Variants in IMPA2 observed in about 807,000 individuals in gnomAD.
IMPA2 encodes the protein inositol monophosphatase 2.
A neutral mutation model predicts 35.1 loss-of-function variants in IMPA2; 32 were observed. That is an observed-to-expected ratio of 0.91 (90% CI 0.69 to 1.23). The LOEUF is 1.23. Among genes scored for constraint, IMPA2 ranks in the 50% most tolerant of loss-of-function variants. The probability of loss-of-function intolerance (pLI) is 0.00; values close to 1 mark genes in which losing one functional copy is unlikely to be tolerated. For missense variants in IMPA2, 334 were observed against 387.6 expected (o/e 0.86, Z 1.16); for synonymous variants, 135 against 160.6 (o/e 0.84, Z 1.20).
chr18:11,988,733 TG>T (rs1346915721), intron 1 of IMPA2, among the ~76,000 whole-genome samples: 2 of 152,210 alleles, frequency 1.3e-5, no homozygotes, highest in African/African-American at 4.8e-5. Context: ...TGAATGGATT[TG>T]CCACTTTCCG....
Position 11,999,136 on chromosome 18 carries a change from T to G in IMPA2, c.179T>G (p.Leu60Arg). Residue 60 changes from leucine to arginine, a missense_variant, in exon 2 of 8, where the codon CTT becomes CGT. Transcript: ENST00000269159. ...AADLVTETDH[L>R]VEDLIISELR... ...GATCTTGTGACAGAAACAGATCACC[T>G]TGTGGAAGATTTAATTATTTCTGAG... 6.2e-7 allele frequency: 1 copy of G among 1,613,830 alleles called. No homozygotes were observed. Among genetic ancestry groups the G allele is most frequent in the South Asian group, 1.1e-5 (1 of 91,046 alleles).
intron 1 of IMPA2, among the ~76,000 whole-genome samples, chr18:11,985,711 A>G (rs1024239310): frequency 2.0e-5 from 3 of 152,152 alleles, no homozygotes; most frequent in Non-Finnish European, 2.9e-5. Flanking sequence ...TTTTGTCACC[A>G]TGCCAGGTGG....
chr18:11,983,704 G>T (rs941534929), intron 1 of IMPA2, among the ~76,000 whole-genome samples: 1 of 151,990 alleles, frequency 6.6e-6, no homozygotes, highest in Non-Finnish European at 1.5e-5. Context: ...CGGGCCGCCC[G>T]GGGCTCCCCC....
intron 5 of IMPA2, among the ~76,000 whole-genome samples, chr18:12,020,557 A>G (rs546959299): frequency 4.6e-5 from 7 of 151,852 alleles, no homozygotes; most frequent in East Asian, 3.9e-4. Flanking sequence ...TTATTTCCCA[A>G]TTGTGTTGCT....
chr18:12,028,765 C>T, intron 6 of IMPA2, 77 bp from the exon 7 acceptor site: 1 of 1,499,422 alleles, frequency 6.7e-7, no homozygotes, highest in Non-Finnish European at 9.0e-7. Flanking sequence ...AGCCGGGGTA[C>T]CTGGCTGAAG....
At chr18:11,995,187 T>C (rs1464870774) in intron 1 of IMPA2, among the ~76,000 whole-genome samples, 4 of 152,200 alleles carry the variant, frequency 2.6e-5, no homozygotes, top group African/African-American at 9.7e-5. Context: ...GGTGGTCTGC[T>C]CCACAAAGTC....
chr18:12,017,238 C>A (rs549264926), intron 5 of IMPA2, among the ~76,000 whole-genome samples: 31 of 152,166 alleles, frequency 2.0e-4, no homozygotes, highest in Non-Finnish European at 3.5e-4. Flanking sequence ...GCCCCATGAC[C>A]CCTCACATGG....
In IMPA2 at chr18:12,028,089, C is replaced by T. The variant is rs1907932449; in HGVS notation, c.537C>T (p.Asp179=). The T allele has an allele frequency of 1.2e-6, 2 of 1,613,982 alleles. No homozygotes were observed. The highest frequency in any genetic ancestry group is 1.7e-5 in the Admixed American group (1 of 59,992). Residue 179 remains aspartate, a synonymous_variant, in exon 6 of 8, where the codon GAC becomes GAT. Transcript: ENST00000269159. Reference sequence around the variant, plus strand: ...TGACAGAAATTGGCCCCAAACGTGACCCTGCGACCCTGAAGCTGTTCCTGA... The same window carrying T: ...TGACAGAAATTGGCCCCAAACGTGATCCTGCGACCCTGAAGCTGTTCCTGA... ...LVLTEIGPKR[D]PATLKLFLSN...
At chr18:11,986,486 C>A (rs1906669664) in intron 1 of IMPA2, among the ~76,000 whole-genome samples, 1 of 152,110 alleles carries the variant, frequency 6.6e-6, no homozygotes, top group African/African-American at 2.4e-5. Context: ...ACAGTGGGTC[C>A]TTGGAATATG....
rs987800096 is a variant in IMPA2, at chr18:12,010,960, A to G, written c.335+973A>G. 2.0e-5 allele frequency among the ~76,000 whole-genome samples: 3 copies of G among 152,144 alleles called. No homozygotes were observed. The highest frequency in any genetic ancestry group is 4.8e-5 in the African/African-American group (2 of 41,436). On this transcript the variant is annotated intron_variant, in intron 3 of 7. Coordinates refer to ENST00000269159, the MANE Select transcript of IMPA2 (RefSeq NM_014214.3). This position sits in a 1 kb window ranked among gnomAD's most constrained non-coding sequence, Gnocchi z 4.8. The stretch of plus-strand genomic sequence containing the variant: ...TCTGGTGCCAGCAAATGTGTCACCA[A>G]TCTCTCCTCTCATTTCAACTAAAGC...
chr18:12,008,856 T>C (rs1907353310), intron 2 of IMPA2, among the ~76,000 whole-genome samples: 1 of 152,106 alleles, frequency 6.6e-6, no homozygotes, highest in African/African-American at 2.4e-5. Flanking sequence ...CAAGTGAGGA[T>C]TGTAGGGGGC....
intron 1 of IMPA2, among the ~76,000 whole-genome samples, chr18:11,982,502 ATG>A (rs1444781557): frequency 6.6e-6 from 1 of 152,084 alleles, no homozygotes; most frequent in African/African-American, 2.4e-5. Flanking sequence ...GTCTCTTAGG[ATG>A]TGATTGTGGG....
intron 5 of IMPA2, among the ~76,000 whole-genome samples, chr18:12,019,173 T>C (rs1907661547): frequency 6.6e-6 from 1 of 152,094 alleles, no homozygotes; most frequent in Non-Finnish European, 1.5e-5. Flanking sequence ...ATACGTAGTT[T>C]AAAAAAGGAG....
Position 12,009,918 on chromosome 18 carries a change from AGT to A in IMPA2, c.272_273del (p.Val91AlafsTer28), listed in dbSNP as rs1188903341. On this transcript the variant is annotated frameshift_variant, in exon 3 of 8. Coordinates refer to ENST00000269159, the MANE Select transcript of IMPA2 (RefSeq NM_014214.3). LOFTEE classifies it high-confidence loss of function. ...GAAGAGGCCGCGGCTTCTGGGGCCAAGTGTGTGCTCACCCACAGCCCGACGTG... is the reference window on the plus strand; with the variant it reads ...GAAGAGGCCGCGGCTTCTGGGGCCAAGTGTGCTCACCCACAGCCCGACGTG... The A allele has an allele frequency of 6.2e-7, 1 of 1,614,070 alleles. No homozygotes were observed. The highest frequency in any genetic ancestry group is 1.3e-5 in the African/African-American group (1 of 74,924).
intron 5 of IMPA2, among the ~76,000 whole-genome samples, chr18:12,016,188 A>G (rs986053400): frequency 2.0e-5 from 3 of 152,254 alleles, no homozygotes; most frequent in Non-Finnish European, 2.9e-5. Context: ...TGTTCCCTAC[A>G]GTACCTGTCT....
At chr18:11,988,261 C>T (rs531725527) in intron 1 of IMPA2, among the ~76,000 whole-genome samples, 1 of 152,326 alleles carries the variant, frequency 6.6e-6, no homozygotes, top group African/African-American at 2.4e-5. Flanking sequence ...CCACCTTGGC[C>T]TCCCAAAGTG....
chr18:11,991,840 A>G lies in IMPA2; in HGVS notation c.97-7214A>G, dbSNP rs920080540. Among the ~76,000 whole-genome samples, 4 of 144,104 alleles carry G rather than the reference A, an allele frequency of 2.8e-5. No individual in the cohort carries two copies. Among genetic ancestry groups the G allele is most frequent in the Non-Finnish European group, 4.4e-5 (3 of 67,480 alleles). The allele number at this position is 144,104 out of a possible 152,430, so 94.5% of individuals were successfully genotyped here. On this transcript the variant is annotated intron_variant, in intron 1 of 7. Coordinates refer to ENST00000269159, the MANE Select transcript of IMPA2 (RefSeq NM_014214.3). This position sits in a 1 kb window ranked among gnomAD's most constrained non-coding sequence, Gnocchi z 4.1. ...TGCTGATGCCCTCGCAGAAACACCC[A>G]GAACAATTTTTTTTTTTTTTTGAGA...
intron 2 of IMPA2, among the ~76,000 whole-genome samples, chr18:12,007,754 CTTCTTTCTTTTCTTTTTCTT>C (rs576703684): frequency 1.4e-5 from 2 of 141,244 alleles, no homozygotes; most frequent in East Asian, 2.1e-4. Flanking sequence ...CCTTCCCTTC[CTTCTTTCTTTTCTTTTTCTT>C]TTCTTTCTTT....
At chr18:12,002,385 GT>G (rs752636360) in intron 2 of IMPA2, among the ~76,000 whole-genome samples, 28 of 152,140 alleles carry the variant, frequency 1.8e-4, no homozygotes, top group Non-Finnish European at 3.2e-4. Flanking sequence ...AGGCTCCCCA[GT>G]TTTATTATTT....
Sources: allele counts gnomAD v4.1 joint callset (sites outside exome capture counted in the v4.1 genomes callset), GRCh38; gene constraint gnomAD v4.1.1; non-coding constraint Gnocchi (gnomAD v3.1); transcripts MANE v1.5; gene names NCBI Gene and HGNC (gene_info 2026-07-23, HGNC 2026-07-21).